ADAM12: variants seen among roughly 807,000 people sequenced by gnomAD.
ADAM12 encodes the protein disintegrin and metalloproteinase domain-containing protein 12.
A neutral mutation model predicts 106.4 loss-of-function variants in ADAM12; 70 were observed. The ratio of observed to expected loss-of-function variants is 0.66; its 90% CI spans 0.54 to 0.80. The LOEUF is 0.80. Among genes scored for constraint, ADAM12 ranks in the 30% least tolerant of loss-of-function variants. The pLI, the probability that ADAM12 is intolerant of heterozygous loss-of-function variation, is 0.00. For missense variants in ADAM12, 1,010 were observed against 1,171.9 expected, an observed-to-expected ratio of 0.86 and a Z score of 2.02; for synonymous variants, 420 against 433.5, an observed-to-expected ratio of 0.97 and a Z score of 0.39.
chr10:126,171,501 C>T (rs1244309446), intron 3 of ADAM12, among the ~76,000 whole-genome samples: 2 of 152,190 alleles, frequency 1.3e-5, no homozygotes, highest in Non-Finnish European at 2.9e-5. Context: ...ACTTGGATTG[C>T]ATTTTTAAAA....
At position 126,268,794 on chromosome 10, in the gene ADAM12, C is replaced by T. The variant is rs573923484; in HGVS notation, c.260+10121G>A. Among the ~76,000 whole-genome samples, 4 of 152,136 alleles carry T rather than the reference C, an allele frequency of 2.6e-5. No individual in the cohort carries two copies. In the South Asian group the frequency reaches 8.3e-4, roughly 32 times the overall value. ...GATTTTGGCCTCCTGGGGCATGATA[C>T]TGTAAGAATGTAGCAGAATCTGTGT... is the stretch of plus-strand genomic sequence containing the variant. On this transcript the variant is annotated intron_variant, in intron 3 of 22. Transcript: ENST00000448723.
intron 11 of ADAM12, among the ~76,000 whole-genome samples, chr10:126,075,748 A>C (rs941346545): frequency 7.2e-5 from 11 of 152,040 alleles, no homozygotes; most frequent in African/African-American, 2.7e-4. Context: ...ACAGTGGGAA[A>C]CAGTCTGCTC....
chr10:126,124,489 A>G (rs1278308), intron 5 of ADAM12, among the ~76,000 whole-genome samples: 102,709 of 152,002 alleles, frequency 0.68, 35,614 homozygotes, highest in African/African-American at 0.84. Context: ...GGCTAGACAT[A>G]CAAAGACCCC....
intron 2 of ADAM12, among the ~76,000 whole-genome samples, chr10:126,311,612 A>T (rs894243587): frequency 1.3e-5 from 2 of 151,974 alleles, no homozygotes; most frequent in African/African-American, 4.8e-5. Context: ...TCCTCTGGGG[A>T]GGGGAGAGGA....
At chr10:126,192,696 C>T (rs753336636) in intron 3 of ADAM12, among the ~76,000 whole-genome samples, 11 of 152,208 alleles carry the variant, frequency 7.2e-5, no homozygotes, top group Non-Finnish European at 1.5e-4. Context: ...TCCTTCACTA[C>T]CAGTTGATTA....
intron 3 of ADAM12, among the ~76,000 whole-genome samples, chr10:126,202,608 AT>A (rs1957723457): frequency 6.6e-6 from 1 of 152,248 alleles, no homozygotes; most frequent in African/African-American, 2.4e-5. Context: ...TTCTCTCAAA[AT>A]TACAGATTTA....
chr10:126,331,860 A>T (rs1488692539), intron 1 of ADAM12, among the ~76,000 whole-genome samples: 2 of 152,098 alleles, frequency 1.3e-5, no homozygotes, highest in Non-Finnish European at 2.9e-5. Flanking sequence ...TCTGATGGTG[A>T]TATCTGTGAC....
At chr10:126,364,081 C>T (rs1333297249) in intron 1 of ADAM12, among the ~76,000 whole-genome samples, 1 of 151,786 alleles carries the variant, frequency 6.6e-6, no homozygotes, top group Non-Finnish European at 1.5e-5. Context: ...AAGAGAGAGA[C>T]AAGATATGGT....
At chr10:126,164,822 C>T (rs1345363861) in intron 3 of ADAM12, among the ~76,000 whole-genome samples, 1 of 152,056 alleles carries the variant, frequency 6.6e-6, no homozygotes, top group Non-Finnish European at 1.5e-5. Context: ...CTTTTCTGGA[C>T]TATTTTATGA....
At chr10:126,199,266 C>T (rs1046128833) in intron 3 of ADAM12, among the ~76,000 whole-genome samples, 3 of 152,184 alleles carry the variant, frequency 2.0e-5, no homozygotes, top group Admixed American at 6.5e-5. Flanking sequence ...GAGGATGAGG[C>T]AACCCAGCCC....
chr10:126,167,171 G>C (rs561383150), intron 3 of ADAM12, among the ~76,000 whole-genome samples: 6 of 152,266 alleles, frequency 3.9e-5, no homozygotes, highest in African/African-American at 1.2e-4. Flanking sequence ...GGCACTTTAC[G>C]TGTATTTTTA....
At position 126,101,084 on chromosome 10, in the gene ADAM12, G is replaced by T. The variant is rs770769845; in HGVS notation, c.899C>A (p.Ala300Glu). 1.2e-6 allele frequency: 2 copies of T among 1,613,806 alleles called. No homozygotes were observed. The highest frequency in any genetic ancestry group is 1.7e-6 in the Non-Finnish European group (2 of 1,179,822). The change falls in exon 9 of 23, where the codon GCG (alanine) becomes GAG (glutamate). Residue 300 changes from alanine (A) to glutamate (E), a missense_variant. Physicochemically the swap from Ala to Glu is moderately radical, Grantham distance 107. Transcript: ENST00000448723. Reference sequence around the variant, plus strand: ...CGTAACTCCCTACCTGACAAGCTGCGCATTGTCATGGGATTTGCGAGGTAG... The same window carrying T: ...CGTAACTCCCTACCTGACAAGCTGCTCATTGTCATGGGATTTGCGAGGTAG... Reference protein sequence around the residue: ...KLLPRKSHDNAQLVSGVYFQG... With the variant: ...KLLPRKSHDNEQLVSGVYFQG...
intron 11 of ADAM12, among the ~76,000 whole-genome samples, chr10:126,091,832 C>G (rs1218106564): frequency 6.6e-6 from 1 of 152,132 alleles, no homozygotes; most frequent in Non-Finnish European, 1.5e-5. Context: ...GAGTCTTCAT[C>G]ATCTGTGCAT....
In ADAM12 at chr10:126,043,203, C is replaced by T; in HGVS notation, c.1996-55G>A. Reference sequence around the variant, plus strand: ...TTAGGGCATATGCTCTGTGCATCACCACAGCAGAAGCAAGGGGGGCCATGG... The same window carrying T: ...TTAGGGCATATGCTCTGTGCATCACTACAGCAGAAGCAAGGGGGGCCATGG... On this transcript the variant is annotated intron_variant, in intron 17 of 22. Coordinates refer to ENST00000448723, the MANE Select transcript of ADAM12 (RefSeq NM_001288973.2). The surrounding 1 kb of genome is among the most constrained non-coding windows in gnomAD (Gnocchi z 4.1). 6.5e-7 allele frequency: 1 copy of T among 1,531,648 alleles called. No homozygotes were observed. The highest frequency in any genetic ancestry group is 9.0e-7 in the Non-Finnish European group (1 of 1,114,624). The allele number at this position is 1,531,648 out of a possible 1,614,324, so 94.9% of individuals were successfully genotyped here.
chr10:126,155,387 A>T (rs1394632227), intron 3 of ADAM12, 82 bp from the exon 4 acceptor site: 4 of 1,277,912 alleles, frequency 3.1e-6, no homozygotes, highest in Non-Finnish European at 4.4e-6. Context: ...GCTATAGGGT[A>T]GCAAGATTGT....
chr10:126,241,240 G>T (rs1958517661), intron 3 of ADAM12, among the ~76,000 whole-genome samples: 1 of 152,226 alleles, frequency 6.6e-6, no homozygotes, highest in Non-Finnish European at 1.5e-5. Context: ...AGAATAGGAA[G>T]TGACTTTAAC....
intron 14 of ADAM12, among the ~76,000 whole-genome samples, chr10:126,050,348 C>G (rs1378787374): frequency 6.6e-6 from 1 of 152,170 alleles, no homozygotes; most frequent in East Asian, 1.9e-4. Flanking sequence ...CTTCCAGCCA[C>G]GGAGAGAGCA....
At chr10:126,357,344 GT>G (rs898698644) in intron 1 of ADAM12, among the ~76,000 whole-genome samples, 70 of 152,098 alleles carry the variant, frequency 4.6e-4, no homozygotes, top group Non-Finnish European at 1.5e-4. Context: ...AAAAACTCCT[GT>G]CTACCAGGAA....
At chr10:126,246,671 A>G (rs1037283150) in intron 3 of ADAM12, among the ~76,000 whole-genome samples, 4 of 152,246 alleles carry the variant, frequency 2.6e-5, no homozygotes, top group African/African-American at 9.6e-5. Flanking sequence ...AAGGCTTTTG[A>G]TAAAATTCAA....
Sources: gnomAD v4.1 joint callset for allele counts (sites outside exome capture counted in the v4.1 genomes callset) on GRCh38, gnomAD v4.1.1 for gene constraint, Gnocchi (gnomAD v3.1) non-coding constraint, MANE v1.5 for transcripts, NCBI Gene and HGNC (gene_info 2026-07-23, HGNC 2026-07-21) for gene names.